The following CCND3 variants were observed in gnomAD, a reference collection of about 807,000 sequenced individuals.
CCND3 encodes the protein G1/S-specific cyclin-D3.
Under a neutral mutation model 28.7 loss-of-function variants are expected in CCND3, and 9 were observed. The ratio of observed to expected loss-of-function variants is 0.31; its 90% CI spans 0.19 to 0.55. CCND3 has a LOEUF of 0.55. CCND3 is among the 20% of genes least tolerant of loss of function. CCND3 has a pLI of 0.93. For missense variants in CCND3, 315 were observed against 385.8 expected (o/e 0.82, Z 1.54); for synonymous variants, 164 against 163.9 (o/e 1.00, Z 0.00).
At chr6:41,969,467 G>T (rs900715608) in intron 1 of CCND3, among the ~76,000 whole-genome samples, 1 of 152,102 alleles carries the variant, frequency 6.6e-6, no homozygotes, top group Non-Finnish European at 1.5e-5. Flanking sequence ...ATTGAGCCAA[G>T]AATGTGCCAC....
chr6:41,940,241 CT>C, intron 2 of CCND3, 128 bp downstream of exon 2: 1 of 813,136 alleles, frequency 1.2e-6, no homozygotes, highest in Non-Finnish European at 2.1e-6. Flanking sequence ...ACCCCAATTC[CT>C]TTCCCAAAGG....
At chr6:42,024,131 C>T (rs1033295413) in intron 1 of CCND3, among the ~76,000 whole-genome samples, 6 of 152,124 alleles carry the variant, frequency 3.9e-5, no homozygotes, top group African/African-American at 1.4e-4. Context: ...TGGCTGGGTG[C>T]GGTGGCTCAC....
intron 1 of CCND3, among the ~76,000 whole-genome samples, chr6:42,040,734 C>T (rs1039685425): frequency 6.6e-6 from 1 of 151,696 alleles, no homozygotes; most frequent in Non-Finnish European, 1.5e-5. Flanking sequence ...TGCCTCTAAT[C>T]CCAGCTACTA....
chr6:41,940,043 C>T (rs574422616), intron 2 of CCND3, among the ~76,000 whole-genome samples: 13 of 152,070 alleles, frequency 8.5e-5, no homozygotes, highest in Non-Finnish European at 1.2e-4. Context: ...ATGGTGGCTG[C>T]GTAAACCCAG....
chr6:41,941,397 C>A lies in CCND3; in HGVS notation c.198+55G>T. ...GACCGGGATGTCCCGACAGGGCGGCCCCGGTGTGTCCAGACCCGGGAGCGG... is the reference window on the plus strand; with the variant it reads ...GACCGGGATGTCCCGACAGGGCGGCACCGGTGTGTCCAGACCCGGGAGCGG... On this transcript the variant is annotated intron_variant, in intron 1 of 4. Transcript: ENST00000372991. This position sits in a 1 kb window ranked among gnomAD's most constrained non-coding sequence, Gnocchi z 6.1. The A allele has an allele frequency of 6.3e-7, 1 of 1,589,842 alleles. No homozygotes were observed. The highest frequency in any genetic ancestry group is 1.1e-5 in the South Asian group (1 of 88,830).
chr6:42,018,206 T>G (rs1384896773), intron 1 of CCND3, among the ~76,000 whole-genome samples: 1 of 151,754 alleles, frequency 6.6e-6, no homozygotes, highest in Non-Finnish European at 1.5e-5. Flanking sequence ...TTTGTTTGTT[T>G]GTTTGAGACA....
chr6:41,988,529 T>C (rs2127415154), intron 1 of CCND3, among the ~76,000 whole-genome samples: 1 of 152,208 alleles, frequency 6.6e-6, no homozygotes, highest in South Asian at 2.1e-4. Flanking sequence ...TTTTTCTAAA[T>C]GTATTCACAA....
chr6:41,941,126 CGGA>C lies in CCND3; in HGVS notation c.198+323_198+325del. Reference sequence around the variant, plus strand: ...CCCAGGGTTTTCCAGGCGCGCTCTCCGGAGAAGGCCGGGAGGCGGAGGGAAGCG... The same window carrying C: ...CCCAGGGTTTTCCAGGCGCGCTCTCCGAAGGCCGGGAGGCGGAGGGAAGCG... On this transcript the variant is annotated intron_variant, in intron 1 of 4. Coordinates refer to ENST00000372991, the MANE Select transcript of CCND3 (RefSeq NM_001760.5). The surrounding 1 kb of genome is among the most constrained non-coding windows in gnomAD (Gnocchi z 6.1). The C allele has an allele frequency of 6.7e-7, 1 of 1,495,838 alleles. No individual in the cohort carries two copies. The highest frequency in any genetic ancestry group is 8.9e-7 in the Non-Finnish European group (1 of 1,127,230). The allele number at this position is 1,495,838 out of a possible 1,614,324, so 92.7% of individuals were successfully genotyped here.
intron 1 of CCND3, among the ~76,000 whole-genome samples, chr6:41,983,938 C>A (rs1353480736): frequency 6.6e-6 from 1 of 152,064 alleles, no homozygotes; most frequent in South Asian, 2.1e-4. Flanking sequence ...ACCCTTTGAC[C>A]AACATTCCCC....
chr6:42,038,543 T>TAA (rs78535061), intron 1 of CCND3, among the ~76,000 whole-genome samples: 5 of 121,042 alleles, frequency 4.1e-5, no homozygotes, highest in South Asian at 2.5e-4. Flanking sequence ...CCATCTCAAC[T>TAA]AAAAAAAAAA....
In CCND3 at chr6:41,998,391, C is replaced by G. The variant is rs1243014609; in HGVS notation, c.-46+50110G>C. 2.7e-5 allele frequency among the ~76,000 whole-genome samples: 4 copies of G among 148,526 alleles called. No homozygotes were observed. In the East Asian group the frequency reaches 7.9e-4, roughly 30 times the overall value. ...GAGACGAAGTCTTGCTTTTGTCCCCCAGGCTGAAGTGTGATGGTGCAATCT... is the reference window on the plus strand; with the variant it reads ...GAGACGAAGTCTTGCTTTTGTCCCCGAGGCTGAAGTGTGATGGTGCAATCT... On this transcript the variant is annotated intron_variant, in intron 1 of 4. Transcript: ENST00000372988.
chr6:41,958,256 C>T (rs922844672), intron 1 of CCND3, among the ~76,000 whole-genome samples: 26 of 152,062 alleles, frequency 1.7e-4, no homozygotes, highest in Admixed American at 7.2e-4. Context: ...CTTGGCCTCC[C>T]GAAGTGCTGG....
intron 1 of CCND3, among the ~76,000 whole-genome samples, chr6:41,999,720 G>A (rs1001754169): frequency 2.1e-4 from 32 of 151,852 alleles, no homozygotes; most frequent in African/African-American, 5.8e-4. Flanking sequence ...ATAGTGAGAC[G>A]TCATCTCTAC....
At chr6:41,961,215 T>G (rs1761706980) in intron 1 of CCND3, among the ~76,000 whole-genome samples, 1 of 152,172 alleles carries the variant, frequency 6.6e-6, no homozygotes, top group African/African-American at 2.4e-5. Flanking sequence ...GGCTCACGCC[T>G]GTAATCCCAG....
In CCND3 at chr6:41,935,137, AGAG is replaced by A; in HGVS notation, c.*800_*802del. The A allele has an allele frequency of 4.3e-6, 1 of 233,300 alleles. No homozygotes were observed. Among genetic ancestry groups the A allele is most frequent in the Non-Finnish European group, 8.5e-6 (1 of 118,072 alleles). 14.5% of individuals were successfully genotyped at this position (233,300 alleles called of 1,614,324 possible). On this transcript the variant is annotated 3_prime_UTR_variant, in exon 5 of 5. Coordinates refer to ENST00000372991, the MANE Select transcript of CCND3 (RefSeq NM_001760.5). ...GAGGATGGGGCAGAGGGACAATGGG[AGAG>A]GAGGGCATGACCCCACCCCAGGCTA...
intron 1 of CCND3, among the ~76,000 whole-genome samples, chr6:41,981,809 C>A (rs1762356984): frequency 6.6e-6 from 1 of 151,862 alleles, no homozygotes; most frequent in Non-Finnish European, 1.5e-5. Context: ...CAGGCCTGAG[C>A]CACTGTGCCC....
intron 1 of CCND3, among the ~76,000 whole-genome samples, chr6:41,971,602 C>T (rs890177059): frequency 6.6e-6 from 1 of 151,556 alleles, no homozygotes; most frequent in African/African-American, 2.4e-5. Context: ...AGTTCAGTGG[C>T]ATGATCTTGG....
At position 41,935,875 on chromosome 6, in the gene CCND3, G is replaced by C; in HGVS notation, c.*65C>G. Reference sequence around the variant, plus strand: ...CTTAGATGTGGTGTGGTTCCTGGAGGCAGGGAGGTGGGTGGCAGCGGCCCC... The same window carrying C: ...CTTAGATGTGGTGTGGTTCCTGGAGCCAGGGAGGTGGGTGGCAGCGGCCCC... On this transcript the variant is annotated 3_prime_UTR_variant, in exon 5 of 5. Transcript: ENST00000372991. The C allele has an allele frequency of 1.4e-6, 2 of 1,452,464 alleles. No homozygotes were observed. The highest frequency in any genetic ancestry group is 1.9e-6 in the Non-Finnish European group (2 of 1,055,796). The allele number at this position is 1,452,464 out of a possible 1,614,324, so 90.0% of individuals were successfully genotyped here.
intron 1 of CCND3, among the ~76,000 whole-genome samples, chr6:41,962,661 A>T (rs929082501): frequency 4.6e-5 from 7 of 152,312 alleles, no homozygotes; most frequent in African/African-American, 1.7e-4. Flanking sequence ...AGGTGGGAAG[A>T]TTACTTGAGC....
Sources: gnomAD v4.1 joint callset for allele counts (sites outside exome capture counted in the v4.1 genomes callset) on GRCh38, gnomAD v4.1.1 for gene constraint, Gnocchi (gnomAD v3.1) non-coding constraint, MANE v1.5 for transcripts, NCBI Gene and HGNC (gene_info 2026-07-23, HGNC 2026-07-21) for gene names.